The following SPECC1 variants were observed in gnomAD, a reference collection of about 807,000 sequenced individuals.
SPECC1 encodes the protein cytospin-B.
A neutral mutation model predicts 104.1 loss-of-function variants in SPECC1; 62 were observed. That is an observed-to-expected ratio of 0.60 (90% CI 0.49 to 0.74). The LOEUF is 0.74. Among genes scored for constraint, SPECC1 ranks in the 30% least tolerant of loss-of-function variants. The pLI is 0.00. For missense variants in SPECC1, 1,306 were observed against 1,310.5 expected, an observed-to-expected ratio of 1.00 and a Z score of 0.05; for synonymous variants, 513 against 501.6, an observed-to-expected ratio of 1.02 and a Z score of -0.30.
intron 1 of SPECC1, among the ~76,000 whole-genome samples, chr17:20,035,412 TA>T (rs1421932102): frequency 3.6e-4 from 55 of 152,224 alleles, no homozygotes; most frequent in Non-Finnish European, 6.8e-4. Flanking sequence ...TTCCAACCTA[TA>T]AGCATGGTAT....
chr17:20,267,181 G>C (rs1424554186), intron 12 of SPECC1, among the ~76,000 whole-genome samples: 1 of 152,152 alleles, frequency 6.6e-6, no homozygotes, highest in East Asian at 1.9e-4. Context: ...ATACACACTG[G>C]TGTCTTTTTG....
chr17:20,298,946 A>AGAGAGAGAGAGAGT (rs2041452601), intron 13 of SPECC1, among the ~76,000 whole-genome samples: 2 of 45,794 alleles, frequency 4.4e-5, no homozygotes, highest in Admixed American at 2.0e-4. Flanking sequence ...AGAGAGAGAG[A>AGAGAGAGAGAGAGT]GAGTGTGTGT....
At chr17:20,118,861 C>G in intron 3 of SPECC1, among the ~76,000 whole-genome samples, 1 of 152,048 alleles carries the variant, frequency 6.6e-6, no homozygotes, top group Non-Finnish European at 1.5e-5. Flanking sequence ...TTCTACTTGC[C>G]TTTTGTAGTG....
intron 1 of SPECC1, among the ~76,000 whole-genome samples, chr17:20,049,066 T>C (rs2045646073): frequency 6.6e-6 from 1 of 152,122 alleles, no homozygotes; most frequent in South Asian, 2.1e-4. Flanking sequence ...CACAACCATA[T>C]AGAACACATT....
intron 1 of SPECC1, among the ~76,000 whole-genome samples, chr17:20,016,476 G>C (rs927291852): frequency 1.1e-4 from 17 of 152,136 alleles, no homozygotes; most frequent in African/African-American, 3.9e-4. Context: ...GGAGAGGCGC[G>C]GGCGGGAACC....
chr17:20,272,301 C>G (rs542783662), intron 12 of SPECC1, among the ~76,000 whole-genome samples: 404 of 151,564 alleles, frequency 2.7e-3, no homozygotes, highest in Non-Finnish European at 3.9e-3. Context: ...GCTTCCCTAA[C>G]TTTAATCTTC....
chr17:20,037,816 G>A (rs2045153313), intron 1 of SPECC1, among the ~76,000 whole-genome samples: 1 of 152,062 alleles, frequency 6.6e-6, no homozygotes, highest in Non-Finnish European at 1.5e-5. Context: ...CATCTCTTTA[G>A]CTGCAAAATA....
chr17:20,064,474 A>C (rs982165828), intron 1 of SPECC1, among the ~76,000 whole-genome samples: 1 of 152,204 alleles, frequency 6.6e-6, no homozygotes, highest in African/African-American at 2.4e-5. Context: ...TTGTATCCTC[A>C]CACAGCCTGG....
chr17:20,235,479 A>G (rs2038855929), intron 7 of SPECC1, among the ~76,000 whole-genome samples: 1 of 152,324 alleles, frequency 6.6e-6, no homozygotes, highest in South Asian at 2.1e-4. Flanking sequence ...TTTCCTGAAA[A>G]GTTGAGTCCT....
intron 4 of SPECC1, among the ~76,000 whole-genome samples, chr17:20,223,318 T>C (rs1020443294): frequency 2.6e-5 from 4 of 152,220 alleles, no homozygotes; most frequent in African/African-American, 9.6e-5. Flanking sequence ...GTTGAGACTC[T>C]GATGCATTCT....
At chr17:20,201,224 C>A in intron 3 of SPECC1, among the ~76,000 whole-genome samples, 1 of 151,840 alleles carries the variant, frequency 6.6e-6, no homozygotes, top group East Asian at 1.9e-4. Flanking sequence ...ACTTGGGAGG[C>A]CAAGGCGGGG....
At chr17:20,261,974 T>G (rs182492337) in intron 12 of SPECC1, among the ~76,000 whole-genome samples, 2 of 152,344 alleles carry the variant, frequency 1.3e-5, no homozygotes, top group Admixed American at 1.3e-4. Flanking sequence ...TCCTCAATTC[T>G]CCTTCCAGAT....
intron 3 of SPECC1, among the ~76,000 whole-genome samples, chr17:20,158,018 T>C (rs2032761362): frequency 6.6e-6 from 1 of 152,218 alleles, no homozygotes; most frequent in African/African-American, 2.4e-5. Flanking sequence ...AGTGTAATTT[T>C]AACTGGCCTT....
chr17:20,101,920 G>A (rs1385641664), intron 2 of SPECC1, among the ~76,000 whole-genome samples: 2 of 152,202 alleles, frequency 1.3e-5, no homozygotes, highest in Non-Finnish European at 2.9e-5. Context: ...CTACATCTTT[G>A]TGGAATTGAG....
chr17:20,278,572 C>T (rs1471861017), intron 12 of SPECC1, among the ~76,000 whole-genome samples: 1 of 152,172 alleles, frequency 6.6e-6, no homozygotes, highest in African/African-American at 2.4e-5. Context: ...GGCACAGTAG[C>T]TCACACCTGT....
intron 7 of SPECC1, among the ~76,000 whole-genome samples, chr17:20,244,050 C>T (rs2039316219): frequency 6.6e-6 from 1 of 151,434 alleles, no homozygotes; most frequent in African/African-American, 2.4e-5. Flanking sequence ...AACCCCATCT[C>T]TACTAAAAAA....
At chr17:20,195,309 T>C (rs918733207) in intron 3 of SPECC1, among the ~76,000 whole-genome samples, 2 of 152,160 alleles carry the variant, frequency 1.3e-5, no homozygotes, top group Non-Finnish European at 2.9e-5. Context: ...CCACATTTGA[T>C]AAGGAAATTT....
At chr17:20,280,035 C>A (rs924514134) in intron 12 of SPECC1, among the ~76,000 whole-genome samples, 4 of 152,148 alleles carry the variant, frequency 2.6e-5, no homozygotes, top group African/African-American at 7.2e-5. Context: ...GGAAGAACCT[C>A]TTTGAGGGCA....
intron 6 of SPECC1, 70 bp from the exon 7 acceptor site, chr17:20,232,130 C>T (rs1450764993): frequency 5.1e-6 from 8 of 1,575,232 alleles, no homozygotes; most frequent in African/African-American, 1.4e-5. Context: ...AACACGGGGA[C>T]TCTGGGGTCC....
Sources: allele counts gnomAD v4.1 joint callset (sites outside exome capture counted in the v4.1 genomes callset), GRCh38; gene constraint gnomAD v4.1.1; transcripts MANE v1.5; gene names NCBI Gene and HGNC (gene_info 2026-07-23, HGNC 2026-07-21).